Variants in NRG1 observed in about 807,000 individuals in gnomAD.
NRG1 encodes neuregulin 1.
Under a neutral mutation model 63.8 loss-of-function variants are expected in NRG1, and 18 were observed. The observed-to-expected ratio is 0.28, with a 90% CI of 0.19 to 0.42. NRG1 has a LOEUF of 0.42. NRG1 is among the 10% of genes least tolerant of loss of function. NRG1 has a pLI of 1.00. For missense variants in NRG1, 762 were observed against 814.7 expected, an observed-to-expected ratio of 0.94 and a Z score of 0.79; for synonymous variants, 302 against 301.3, an observed-to-expected ratio of 1.00 and a Z score of -0.02.
chr8:32,705,201 C>T (rs899428661), intron 5 of NRG1, among the ~76,000 whole-genome samples: 5 of 147,994 alleles, frequency 3.4e-5, no homozygotes, highest in Non-Finnish European at 7.4e-5. Flanking sequence ...GGCGAGATCT[C>T]GCTCACTGCA....
At position 32,274,129 on chromosome 8, in the gene NRG1, A is replaced by G. The variant is rs1851834507; in HGVS notation, c.38-321699A>G. ...TGAAAAAAGACAGTGACTTTGGGTC[A>G]TTTTGTAATCATCTTTGGTGCTTCA... On this transcript the variant is annotated intron_variant, in intron 1 of 10. Coordinates refer to the NRG1 transcript ENST00000519301. Among the ~76,000 whole-genome samples the G allele has an allele frequency of 2.6e-5, 4 of 152,318 alleles. No homozygotes were observed. In the South Asian group the frequency reaches 8.3e-4, roughly 32 times the overall value.
intron 1 of NRG1, among the ~76,000 whole-genome samples, chr8:32,384,957 C>T (rs1178705262): frequency 6.6e-6 from 1 of 152,172 alleles, no homozygotes; most frequent in Non-Finnish European, 1.5e-5. Flanking sequence ...AGAAAAAGTT[C>T]CTGAACTTGT....
intron 6 of NRG1, among the ~76,000 whole-genome samples, chr8:32,739,807 T>G (rs1825910261): frequency 6.6e-6 from 1 of 152,218 alleles, no homozygotes; most frequent in Admixed American, 6.5e-5. Flanking sequence ...TTGTGTGGTG[T>G]GTGTGTGTGT....
At position 31,640,920 on chromosome 8, in the gene NRG1, A is replaced by G. The variant is rs532462386; in HGVS notation, c.37+1489A>G. 1.5e-3 allele frequency among the ~76,000 whole-genome samples: 221 copies of G among 152,296 alleles called. 1 individual carries two copies. The highest frequency in any genetic ancestry group is 4.3e-3 in the African/African-American group (178 of 41,570). On this transcript the variant is annotated intron_variant, in intron 1 of 10. Coordinates refer to the NRG1 transcript ENST00000519301. This position sits in a 1 kb window ranked among gnomAD's most constrained non-coding sequence, Gnocchi z 6.3. Reference sequence around the variant, plus strand: ...CGCTTTCTCCAGCTTCCCTTGTCTTAGGCTTTGCCACTGGAGAAAGCCCAA... The same window carrying G: ...CGCTTTCTCCAGCTTCCCTTGTCTTGGGCTTTGCCACTGGAGAAAGCCCAA...
At chr8:32,634,342 A>G (rs1850922252) in intron 5 of NRG1, among the ~76,000 whole-genome samples, 1 of 152,066 alleles carries the variant, frequency 6.6e-6, no homozygotes, top group Admixed American at 6.5e-5. Flanking sequence ...GAGAAATCAC[A>G]TTTTTCTGCT....
At position 32,148,278 on chromosome 8, in the gene NRG1, C is replaced by T. The variant is rs536258654; in HGVS notation, c.38-447550C>T. ...AGCTGAGGCAGGATTTGACCCCACACAATCAGGCCCTAGGACCCAAGCCCT... is the reference window on the plus strand; with the variant it reads ...AGCTGAGGCAGGATTTGACCCCACATAATCAGGCCCTAGGACCCAAGCCCT... On this transcript the variant is annotated intron_variant, in intron 1 of 10. Transcript: ENST00000519301. 7.2e-5 allele frequency among the ~76,000 whole-genome samples: 11 copies of T among 152,298 alleles called. 1 individual carries two copies. The South Asian group carries it at 2.3e-3, about 32-fold the overall frequency.
At chr8:31,750,130 G>A (rs1439147965) in intron 1 of NRG1, among the ~76,000 whole-genome samples, 1 of 151,780 alleles carries the variant, frequency 6.6e-6, no homozygotes, top group African/African-American at 2.4e-5. Flanking sequence ...AATTTCCCAG[G>A]AGGTGAAATT....
At chr8:32,713,321 C>A (rs1818272243) in intron 5 of NRG1, among the ~76,000 whole-genome samples, 1 of 152,136 alleles carries the variant, frequency 6.6e-6, no homozygotes, top group African/African-American at 2.4e-5. Context: ...AAAGAAGGAA[C>A]AAACTCAGAC....
At chr8:32,633,532 T>A (rs2129544508) in intron 5 of NRG1, among the ~76,000 whole-genome samples, 1 of 152,274 alleles carries the variant, frequency 6.6e-6, no homozygotes, top group African/African-American at 2.4e-5. Flanking sequence ...TTCAGATACT[T>A]AGACATGCAT....
intron 1 of NRG1, among the ~76,000 whole-genome samples, chr8:31,855,201 T>C (rs1218899676): frequency 6.6e-6 from 1 of 152,180 alleles, no homozygotes; most frequent in Admixed American, 6.5e-5. Flanking sequence ...TGTCTAATGT[T>C]AACAGTGGGG....
rs150319577 is a variant in NRG1 at position 32,090,508 on chromosome 8, A to T, written c.37+451077A>T. Reference sequence around the variant, plus strand: ...GCTAATTTTTGTATTTTTAGTAGAGATGGGGTTTTATCATGTTGACCAGGT... The same window carrying T: ...GCTAATTTTTGTATTTTTAGTAGAGTTGGGGTTTTATCATGTTGACCAGGT... On this transcript the variant is annotated intron_variant, in intron 1 of 10. Coordinates refer to the NRG1 transcript ENST00000519301. 2.6e-5 allele frequency among the ~76,000 whole-genome samples: 4 copies of T among 151,848 alleles called. No homozygotes were observed. In the East Asian group the frequency reaches 5.8e-4, roughly 22 times the overall value.
chr8:32,748,352 CACACACAG>C (rs1166200114), intron 7 of NRG1, among the ~76,000 whole-genome samples: 4 of 99,964 alleles, frequency 4.0e-5, no homozygotes, highest in South Asian at 4.1e-4. Context: ...CACACACACA[CACACACAG>C]AGAGAGAGAG....
At chr8:32,772,132 C>T (rs950835941), downstream of NRG1, among the ~76,000 whole-genome samples, 2 of 149,360 alleles carry the variant, frequency 1.3e-5, no homozygotes, top group African/African-American at 2.5e-5. Context: ...TTAGACGGCT[C>T]TGGTTTCAGA....
intron 1 of NRG1, among the ~76,000 whole-genome samples, chr8:32,239,074 T>C (rs1847850191): frequency 6.6e-6 from 1 of 152,180 alleles, no homozygotes; most frequent in Non-Finnish European, 1.5e-5. Context: ...TCTTAAACTC[T>C]CTATTCCTTG....
At chr8:31,826,173 G>A (rs552329607) in intron 1 of NRG1, among the ~76,000 whole-genome samples, 6 of 152,308 alleles carry the variant, frequency 3.9e-5, no homozygotes, top group African/African-American at 4.8e-5. Flanking sequence ...TCAATGGGAT[G>A]TAAATAGGAT....
intron 1 of NRG1, among the ~76,000 whole-genome samples, chr8:32,218,219 A>C (rs1347027046): frequency 6.6e-6 from 1 of 152,202 alleles, no homozygotes; most frequent in Non-Finnish European, 1.5e-5. Context: ...ATGTGTAAAC[A>C]GATTGTAGCC....
At chr8:31,684,023 A>G (rs1236071520) in intron 1 of NRG1, among the ~76,000 whole-genome samples, 1 of 152,202 alleles carries the variant, frequency 6.6e-6, no homozygotes, top group Admixed American at 6.5e-5. Context: ...TTCTCATTTC[A>G]GTTCTGATCT....
At chr8:32,570,117 C>A (rs1048142947) in intron 1 of NRG1, among the ~76,000 whole-genome samples, 4 of 152,006 alleles carry the variant, frequency 2.6e-5, no homozygotes. Context: ...CCATGTTGGC[C>A]AGGCTGGTCT....
intron 1 of NRG1, among the ~76,000 whole-genome samples, chr8:32,124,238 T>C (rs1833819812): frequency 6.6e-6 from 1 of 151,908 alleles, no homozygotes; most frequent in Non-Finnish European, 1.5e-5. Flanking sequence ...ATGCACCAAG[T>C]TCGAACAATG....
Sources: gnomAD v4.1 joint callset for allele counts (sites outside exome capture counted in the v4.1 genomes callset) on GRCh38, gnomAD v4.1.1 for gene constraint, Gnocchi (gnomAD v3.1) non-coding constraint, MANE v1.5 for transcripts, NCBI Gene and HGNC (gene_info 2026-07-23, HGNC 2026-07-21) for gene names.